The following AUTS2 variants were observed in gnomAD, a reference collection of about 807,000 sequenced individuals.
AUTS2 encodes activator of transcription and developmental regulator AUTS2, also known as autism susceptibility gene 2 protein.
AUTS2 carries 17 observed loss-of-function variants against 112.4 expected under a neutral mutation model. The observed-to-expected ratio is 0.15, with a 90% CI of 0.10 to 0.23. The LOEUF is 0.23. Among genes scored for constraint, AUTS2 ranks in the 10% least tolerant of loss-of-function variants. AUTS2 has a pLI of 1.00. For synonymous variants in AUTS2, 751 were observed against 702.7 expected, an observed-to-expected ratio of 1.07 and a Z score of -1.09; for missense variants, 1,510 against 1,701.6, an observed-to-expected ratio of 0.89 and a Z score of 1.98.
At chr7:70,466,348 A>G (rs1251552716) in intron 5 of AUTS2, among the ~76,000 whole-genome samples, 1 of 152,212 alleles carries the variant, frequency 6.6e-6, no homozygotes, top group African/African-American at 2.4e-5. Flanking sequence ...TACTCAGAAC[A>G]TTGTCATAGT....
intron 4 of AUTS2, among the ~76,000 whole-genome samples, chr7:70,335,713 A>G (rs185328548): frequency 2.6e-5 from 4 of 152,348 alleles, no homozygotes; most frequent in Admixed American, 2.6e-4. Context: ...GAAAAGATGC[A>G]TATGATTAGT....
At chr7:70,641,904 A>G (rs1350181630) in intron 5 of AUTS2, among the ~76,000 whole-genome samples, 3 of 152,176 alleles carry the variant, frequency 2.0e-5, no homozygotes, top group African/African-American at 7.2e-5. Context: ...TCTCAATAAT[A>G]CCGAATATTC....
At position 70,005,709 on chromosome 7, in the gene AUTS2, A is replaced by C. The variant is rs1745588255; in HGVS notation, c.522+106211A>C. 2.6e-5 allele frequency among the ~76,000 whole-genome samples: 4 copies of C among 152,306 alleles called. No homozygotes were observed. The South Asian group carries it at 8.3e-4, about 32-fold the overall frequency. ...AGAGGGGCACTTGGGCCTGGTCACC[A>C]GCTGTGCAAAATCAACAAGGGCAAG... On this transcript the variant is annotated intron_variant, in intron 2 of 18. Transcript: ENST00000342771.
At chr7:70,224,365 AAT>A (rs1811650325) in intron 4 of AUTS2, among the ~76,000 whole-genome samples, 2 of 148,390 alleles carry the variant, frequency 1.3e-5, no homozygotes, top group African/African-American at 2.4e-5. Flanking sequence ...AATACAATAC[AAT>A]ACAATACAAT....
intron 4 of AUTS2, among the ~76,000 whole-genome samples, chr7:70,348,688 T>C (rs560820506): frequency 2.0e-5 from 3 of 151,572 alleles, no homozygotes; most frequent in Non-Finnish European, 2.9e-5. Context: ...CGGGCGCCTG[T>C]AGTCCCAGCT....
chr7:69,736,935 A>G (rs894633152), intron 1 of AUTS2, among the ~76,000 whole-genome samples: 1 of 152,192 alleles, frequency 6.6e-6, no homozygotes, highest in Non-Finnish European at 1.5e-5. Flanking sequence ...GGTACTTTTC[A>G]ACATTTAAAG....
intron 1 of AUTS2, among the ~76,000 whole-genome samples, chr7:69,845,372 T>A (rs1792150662): frequency 6.6e-6 from 1 of 152,162 alleles, no homozygotes; most frequent in Non-Finnish European, 1.5e-5. Flanking sequence ...CAAGAAGACC[T>A]TGATTGGCGT....
chr7:69,857,983 G>C (rs984202449), intron 1 of AUTS2, among the ~76,000 whole-genome samples: 2 of 152,198 alleles, frequency 1.3e-5, no homozygotes, highest in East Asian at 3.8e-4. Context: ...TGGGCAGTCT[G>C]ATGGCACCTT....
At chr7:69,605,066 T>C (rs1205808495) in intron 1 of AUTS2, among the ~76,000 whole-genome samples, 2 of 152,202 alleles carry the variant, frequency 1.3e-5, no homozygotes, top group Non-Finnish European at 2.9e-5. Context: ...GAGAAGGCAA[T>C]GTGTTGTGCC....
intron 1 of AUTS2, among the ~76,000 whole-genome samples, chr7:69,693,321 C>CT: frequency 6.6e-6 from 1 of 152,298 alleles, no homozygotes; most frequent in East Asian, 1.9e-4. Flanking sequence ...AGCCACAGGA[C>CT]TTTTTTGGCA....
intron 4 of AUTS2, among the ~76,000 whole-genome samples, chr7:70,169,538 G>A (rs1177623043): frequency 6.6e-6 from 1 of 152,118 alleles, no homozygotes; most frequent in African/African-American, 2.4e-5. Flanking sequence ...ACCGCATACG[G>A]CCTATTAATT....
At chr7:70,473,104 T>C (rs1797454051) in intron 5 of AUTS2, among the ~76,000 whole-genome samples, 1 of 152,204 alleles carries the variant, frequency 6.6e-6, no homozygotes. Context: ...TCATTATCCC[T>C]GAATAACATT....
chr7:70,713,786 C>G (rs1810196304), intron 6 of AUTS2, among the ~76,000 whole-genome samples: 1 of 152,080 alleles, frequency 6.6e-6, no homozygotes, highest in Non-Finnish European at 1.5e-5. Flanking sequence ...GTCCCAGCTA[C>G]TCAGGAGGCT....
intron 4 of AUTS2, among the ~76,000 whole-genome samples, chr7:70,360,600 A>T (rs1160542232): frequency 1.3e-5 from 2 of 152,124 alleles, no homozygotes; most frequent in South Asian, 2.1e-4. Context: ...CACTCACCTG[A>T]CTCAAAGTTG....
At chr7:70,764,093 G>C (rs768205424) in intron 7 of AUTS2, among the ~76,000 whole-genome samples, 30 of 152,170 alleles carry the variant, frequency 2.0e-4, no homozygotes, top group African/African-American at 7.0e-4. Flanking sequence ...TCCTGAGGCT[G>C]TGTGTCTTTG....
intron 5 of AUTS2, among the ~76,000 whole-genome samples, chr7:70,535,052 GATGTA>G (rs1274766101): frequency 2.2e-5 from 3 of 139,184 alleles, no homozygotes; most frequent in South Asian, 2.3e-4. Flanking sequence ...AAAAAAAAAA[GATGTA>G]ATGTACTGGT....
chr7:70,717,766 G>A (rs1030760307), intron 6 of AUTS2, among the ~76,000 whole-genome samples: 2 of 152,094 alleles, frequency 1.3e-5, no homozygotes, highest in African/African-American at 4.8e-5. Flanking sequence ...CCTCAGGGGC[G>A]GTGCTGCCTT....
chr7:70,588,050 C>T (rs1046951300), intron 5 of AUTS2, among the ~76,000 whole-genome samples: 3 of 152,102 alleles, frequency 2.0e-5, no homozygotes, highest in Non-Finnish European at 4.4e-5. Context: ...AACAACACCT[C>T]GGCCAACTTT....
At chr7:69,821,876 A>G (rs1362369126) in intron 1 of AUTS2, among the ~76,000 whole-genome samples, 2 of 145,546 alleles carry the variant, frequency 1.4e-5, no homozygotes, top group Non-Finnish European at 3.0e-5. Flanking sequence ...TGATTGCACC[A>G]CTGCACTCCA....
Sources: gnomAD v4.1 joint callset for allele counts (sites outside exome capture counted in the v4.1 genomes callset) on GRCh38, gnomAD v4.1.1 for gene constraint, MANE v1.5 for transcripts, NCBI Gene and HGNC (gene_info 2026-07-23, HGNC 2026-07-21) for gene names.